The following SUFU variants were observed in gnomAD, a reference collection of about 807,000 sequenced individuals.
SUFU encodes the protein SUFU negative regulator of hedgehog signaling.
Under a neutral mutation model 58.9 loss-of-function variants are expected in SUFU, and 7 were observed. That is an observed-to-expected ratio of 0.12 (90% CI 0.07 to 0.22). The LOEUF is 0.22. Ranked by LOEUF, SUFU falls within the 10% of genes least tolerant of loss-of-function variation. The probability of loss-of-function intolerance (pLI) is 1.00; values close to 1 mark genes in which losing one functional copy is unlikely to be tolerated. For synonymous variants in SUFU, 232 were observed against 254.8 expected (o/e 0.91, Z 0.85); for missense variants, 451 against 641.3 (o/e 0.70, Z 3.20).
intron 10 of SUFU, among the ~76,000 whole-genome samples, chr10:102,622,700 T>A (rs2135946073): frequency 6.6e-6 from 1 of 151,654 alleles, no homozygotes; most frequent in South Asian, 2.1e-4. Flanking sequence ...ACGCCTGTAA[T>A]CCCAACACTT....
At chr10:102,512,854 A>G (rs1397430885) in intron 2 of SUFU, among the ~76,000 whole-genome samples, 2 of 152,116 alleles carry the variant, frequency 1.3e-5, no homozygotes, top group African/African-American at 4.8e-5. Context: ...GCTTGAGCCC[A>G]GGAGTTTGAC....
rs1175563323 is a variant in SUFU, at chr10:102,567,006, C to CTTTTTTTT, written c.454+16916_454+16923dup. Among the ~76,000 whole-genome samples the CTTTTTTTT allele has an allele frequency of 1.7e-4, 11 of 64,670 alleles. 2 individuals carry two copies. Among genetic ancestry groups the CTTTTTTTT allele is most frequent in the South Asian group, 1.5e-3 (2 of 1,368 alleles). 42.4% of individuals were successfully genotyped at this position (64,670 alleles called of 152,430 possible). On this transcript the variant is annotated intron_variant, in intron 3 of 11. Transcript: ENST00000369902. Reference sequence around the variant, plus strand: ...ATTGCAAAAGAAAAGGAAACAGGCTCTTTTTTTTTTTTTTTTTTTTTTTGA... The same window carrying CTTTTTTTT: ...ATTGCAAAAGAAAAGGAAACAGGCTCTTTTTTTTTTTTTTTTTTTTTTTTTTTTTTTGA...
intron 3 of SUFU, among the ~76,000 whole-genome samples, chr10:102,578,842 G>A (rs2063243152): frequency 6.6e-6 from 1 of 151,622 alleles, no homozygotes; most frequent in Non-Finnish European, 1.5e-5. Context: ...CTGCACTCCA[G>A]TTTGGGCAAC....
chr10:102,609,949 C>G (rs576898861), intron 8 of SUFU, among the ~76,000 whole-genome samples: 1 of 152,304 alleles, frequency 6.6e-6, no homozygotes, highest in South Asian at 2.1e-4. Flanking sequence ...GTGAACACTC[C>G]AAGGGAAAGA....
At chr10:102,566,427 C>T (rs1322527069) in intron 3 of SUFU, among the ~76,000 whole-genome samples, 1 of 151,922 alleles carries the variant, frequency 6.6e-6, no homozygotes, top group African/African-American at 2.4e-5. Flanking sequence ...GTCAGGAATT[C>T]GAGACCAGCG....
intron 2 of SUFU, among the ~76,000 whole-genome samples, chr10:102,517,922 G>C (rs1158769598): frequency 6.6e-6 from 1 of 152,154 alleles, no homozygotes; most frequent in Non-Finnish European, 1.5e-5. Flanking sequence ...TGGAGACAAT[G>C]AAGAATCTGA....
At chr10:102,515,711 T>C (rs2062460653) in intron 2 of SUFU, among the ~76,000 whole-genome samples, 1 of 152,170 alleles carries the variant, frequency 6.6e-6, no homozygotes, top group South Asian at 2.1e-4. Flanking sequence ...GTTGGACCTT[T>C]GCCCTCCTCC....
intron 3 of SUFU, among the ~76,000 whole-genome samples, chr10:102,580,438 A>G (rs1407287774): frequency 6.6e-6 from 1 of 151,818 alleles, no homozygotes; most frequent in African/African-American, 2.4e-5. Context: ...TTTCTGTCCT[A>G]GTTCTTAGTG....
chr10:102,504,126 C>T lies in SUFU; in HGVS notation c.-27C>T, dbSNP rs1489101322. On this transcript the variant is annotated 5_prime_UTR_variant, in exon 1 of 12. Coordinates refer to ENST00000369902, the MANE Select transcript of SUFU (RefSeq NM_016169.4). ...TCCCCGTCGTTTGCCCTCTCCAGTT[C>T]CCCCAGTGCCTGCCCTACGCACCCC... The T allele has an allele frequency of 1.3e-6, 2 of 1,530,452 alleles. No homozygotes were observed. The highest frequency in any genetic ancestry group is 1.4e-5 in the African/African-American group (1 of 72,918). The allele number at this position is 1,530,452 out of a possible 1,614,324, so 94.8% of individuals were successfully genotyped here. A position where few individuals can be genotyped will look rare whatever the true frequency, so the allele number is the denominator to read the frequency against.
intron 3 of SUFU, among the ~76,000 whole-genome samples, chr10:102,572,559 T>C (rs1025265118): frequency 2.0e-5 from 3 of 151,884 alleles, no homozygotes; most frequent in African/African-American, 7.3e-5. Flanking sequence ...CCGGCTACTT[T>C]TTGTATTTTT....
At chr10:102,573,705 A>G (rs1022936455) in intron 3 of SUFU, among the ~76,000 whole-genome samples, 2 of 152,232 alleles carry the variant, frequency 1.3e-5, no homozygotes, top group African/African-American at 4.8e-5. Context: ...AGGAGACATT[A>G]TGGCAAGTGA....
At chr10:102,540,149 TC>T (rs2062782492) in intron 2 of SUFU, among the ~76,000 whole-genome samples, 1 of 152,188 alleles carries the variant, frequency 6.6e-6, no homozygotes, top group South Asian at 2.1e-4. Flanking sequence ...CAGCCATTTA[TC>T]CAGGAAGCCC....
rs576944408 is a variant in SUFU at position 102,625,561 on chromosome 10, C to A, written c.1297-1614C>A. On this transcript the variant is annotated intron_variant, in intron 10 of 11. Transcript: ENST00000369902. The surrounding 1 kb of genome is among the most constrained non-coding windows in gnomAD (Gnocchi z 4.7). Reference sequence around the variant, plus strand: ...AGTTAGTGTCCTGGGGGTGAGAGTTCAGCATTCGGGAGCAGTACTCCAGGC... The same window carrying A: ...AGTTAGTGTCCTGGGGGTGAGAGTTAAGCATTCGGGAGCAGTACTCCAGGC... Among the ~76,000 whole-genome samples, 75 of 152,184 alleles carry A rather than the reference C, an allele frequency of 4.9e-4. No individual in the cohort carries two copies. Among genetic ancestry groups the A allele is most frequent in the African/African-American group, 1.6e-3 (68 of 41,498 alleles).
chr10:102,509,101 AGCG>A, intron 1 of SUFU, 65 bp from the exon 2 acceptor site: 1 of 1,609,922 alleles, frequency 6.2e-7, no homozygotes, highest in Non-Finnish European at 8.5e-7. Flanking sequence ...TACAAAGTAG[AGCG>A]CCTTAGCTTG....
chr10:102,537,168 T>C (rs2062750170), intron 2 of SUFU, among the ~76,000 whole-genome samples: 2 of 148,058 alleles, frequency 1.4e-5, no homozygotes, highest in South Asian at 4.4e-4. Flanking sequence ...GGTCTTGCTC[T>C]GTCACTCAGG....
intron 3 of SUFU, among the ~76,000 whole-genome samples, chr10:102,562,967 A>G (rs1231205212): frequency 6.6e-6 from 1 of 152,164 alleles, no homozygotes; most frequent in Non-Finnish European, 1.5e-5. Flanking sequence ...TGCGGTGGGT[A>G]GCGTGGTGAG....
At chr10:102,526,857 C>T (rs1013516550) in intron 2 of SUFU, among the ~76,000 whole-genome samples, 10 of 151,800 alleles carry the variant, frequency 6.6e-5, no homozygotes, top group Non-Finnish European at 1.2e-4. Context: ...GCACGGACCT[C>T]GAAGTGTTTA....
intron 2 of SUFU, among the ~76,000 whole-genome samples, chr10:102,519,323 G>A (rs2062517665): frequency 1.3e-5 from 2 of 151,574 alleles, no homozygotes; most frequent in Admixed American, 6.6e-5. Flanking sequence ...TCGGGAGTTC[G>A]AGACCGACCT....
chr10:102,563,687 C>T (rs750625104), intron 3 of SUFU, among the ~76,000 whole-genome samples: 1 of 151,560 alleles, frequency 6.6e-6, no homozygotes, highest in Non-Finnish European at 1.5e-5. Context: ...CAGAGCAAGA[C>T]CCTGCCTCAA....
Sources: allele counts gnomAD v4.1 joint callset (sites outside exome capture counted in the v4.1 genomes callset), GRCh38; gene constraint gnomAD v4.1.1; non-coding constraint Gnocchi (gnomAD v3.1); transcripts MANE v1.5; gene names NCBI Gene and HGNC (gene_info 2026-07-23, HGNC 2026-07-21).